DPP6: variants seen among roughly 807,000 people sequenced by gnomAD.
The protein encoded by DPP6 is dipeptidyl peptidase like 6, also known as A-type potassium channel modulatory protein DPP6.
In DPP6, 69 loss-of-function variants were observed where a neutral mutation model predicts 122.6. That is an observed-to-expected ratio of 0.56 (90% CI 0.46 to 0.69). The LOEUF is 0.69. DPP6 is among the 30% of genes least tolerant of loss of function. The pLI, the probability that DPP6 is intolerant of heterozygous loss-of-function variation, is 0.00. For missense variants in DPP6, 928 were observed against 1,116.9 expected, an observed-to-expected ratio of 0.83 and a Z score of 2.41; for synonymous variants, 418 against 433.1, an observed-to-expected ratio of 0.97 and a Z score of 0.43.
intron 3 of DPP6, among the ~76,000 whole-genome samples, chr7:154,510,346 C>T (rs959094179): frequency 1.3e-5 from 2 of 152,112 alleles, no homozygotes; most frequent in Admixed American, 6.5e-5. Context: ...ATGGAGCTAA[C>T]CTCAGAACTT....
intron 1 of DPP6, among the ~76,000 whole-genome samples, chr7:154,344,337 G>C (rs1356489886): frequency 1.3e-5 from 2 of 152,116 alleles, no homozygotes; most frequent in Non-Finnish European, 2.9e-5. Context: ...TTGCTCATCA[G>C]AGAAATGCAA....
In DPP6 at chr7:154,811,459, G is replaced by T. The variant is rs148277608; in HGVS notation, c.1666+4347G>T. Among the ~76,000 whole-genome samples, 343 of 152,328 alleles carry T rather than the reference G, an allele frequency of 2.3e-3. 2 individuals carry two copies. The highest frequency in any genetic ancestry group is 7.8e-3 in the African/African-American group (326 of 41,580). ...CCATTTGGATTGCTTGGGGCATTTT[G>T]CTGGAGGAGAAGACTCAAGGAAGGT... is the stretch of plus-strand genomic sequence containing the variant. On this transcript the variant is annotated intron_variant, in intron 16 of 25. Transcript: ENST00000377770.
intron 1 of DPP6, among the ~76,000 whole-genome samples, chr7:154,064,458 A>G (rs1244640600): frequency 2.0e-5 from 3 of 152,160 alleles, no homozygotes; most frequent in Non-Finnish European, 2.9e-5. Context: ...GCTCTCAGTG[A>G]TAGACACATT....
intron 1 of DPP6, among the ~76,000 whole-genome samples, chr7:154,102,803 A>G (rs1230460674): frequency 3.3e-5 from 5 of 152,126 alleles, no homozygotes; most frequent in Non-Finnish European, 5.9e-5. Context: ...TGCTTTAATC[A>G]TTGCTGTTCC....
intron 17 of DPP6, 140 bp downstream of exon 17, chr7:154,853,967 T>C: frequency 3.4e-6 from 4 of 1,166,386 alleles, no homozygotes; most frequent in Non-Finnish European, 4.8e-6. Context: ...GAATAGGCCA[T>C]GCTGATCACC....
At chr7:154,747,452 G>C (rs1843086226) in intron 8 of DPP6, among the ~76,000 whole-genome samples, 2 of 152,172 alleles carry the variant, frequency 1.3e-5, no homozygotes, top group Admixed American at 6.5e-5. Flanking sequence ...CCATTTACTG[G>C]TTGTATGAAC....
At chr7:154,473,197 T>C (rs1822440287) in intron 2 of DPP6, among the ~76,000 whole-genome samples, 1 of 152,228 alleles carries the variant, frequency 6.6e-6, no homozygotes, top group Non-Finnish European at 1.5e-5. Context: ...AGAGTGTAAC[T>C]TTATTAGATT....
intron 1 of DPP6, among the ~76,000 whole-genome samples, chr7:153,989,359 G>A (rs1263095839): frequency 6.6e-6 from 1 of 151,314 alleles, no homozygotes; most frequent in South Asian, 2.1e-4. Context: ...GAGTGTGGGG[G>A]AGTGAGTATG....
intron 1 of DPP6, among the ~76,000 whole-genome samples, chr7:154,348,160 C>T (rs559910239): frequency 7.9e-5 from 12 of 152,082 alleles, no homozygotes; most frequent in African/African-American, 2.9e-4. Context: ...TAACACACCT[C>T]AGGTGGTGTA....
intron 1 of DPP6, among the ~76,000 whole-genome samples, chr7:154,252,177 T>C (rs1406043900): frequency 6.6e-6 from 1 of 152,176 alleles, no homozygotes; most frequent in African/African-American, 2.4e-5. Flanking sequence ...ATTTATTTAC[T>C]TCAGCTAAAT....
the DPP6 span, among the ~76,000 whole-genome samples, chr7:153,791,424 C>CTTTCTTTT: frequency 1.1e-5 from 1 of 91,630 alleles, no homozygotes; most frequent in African/African-American, 4.2e-5. Flanking sequence ...TCCTTCCTTT[C>CTTTCTTTT]TTTTTTTTTT....
At chr7:154,332,986 G>T (rs756903661) in intron 1 of DPP6, among the ~76,000 whole-genome samples, 6 of 152,160 alleles carry the variant, frequency 3.9e-5, no homozygotes, top group Non-Finnish European at 8.8e-5. Flanking sequence ...CGATGGGTCC[G>T]GGGAACAGCT....
At chr7:154,678,685 A>T (rs1436454506) in intron 7 of DPP6, among the ~76,000 whole-genome samples, 1 of 152,260 alleles carries the variant, frequency 6.6e-6, no homozygotes, top group African/African-American at 2.4e-5. Flanking sequence ...TTTAAGCGTG[A>T]GAAGGAAAAG....
At chr7:154,840,675 C>G (rs1403377290) in intron 16 of DPP6, among the ~76,000 whole-genome samples, 1 of 152,210 alleles carries the variant, frequency 6.6e-6, no homozygotes, top group Middle Eastern at 3.2e-3. Context: ...CTTTTTACTT[C>G]TTAGTATGCT....
At chr7:154,626,149 T>G (rs1371947520) in intron 5 of DPP6, among the ~76,000 whole-genome samples, 2 of 152,166 alleles carry the variant, frequency 1.3e-5, no homozygotes, top group Non-Finnish European at 2.9e-5. Context: ...GGTTTCTTCC[T>G]TTGAATTTCC....
chr7:154,259,208 A>C (rs373987533), intron 1 of DPP6, among the ~76,000 whole-genome samples: 7 of 152,360 alleles, frequency 4.6e-5, no homozygotes, highest in East Asian at 1.9e-4. Flanking sequence ...ACCAAATCAC[A>C]CATATGCGAA....
Position 154,536,459 on chromosome 7 carries a change from G to A in DPP6, c.458-4073G>A, listed in dbSNP as rs1037781896. Among the ~76,000 whole-genome samples, 6 of 152,246 alleles carry A rather than the reference G, an allele frequency of 3.9e-5. No individual in the cohort carries two copies. In the East Asian group the frequency reaches 5.8e-4, roughly 15 times the overall value. ...ATAAATGGAAAGGCAGACCAAGTACGCAGAAGGAAGACTCAGGGTTGTAAA... is the reference window on the plus strand; with the variant it reads ...ATAAATGGAAAGGCAGACCAAGTACACAGAAGGAAGACTCAGGGTTGTAAA... On this transcript the variant is annotated intron_variant, in intron 3 of 25. Transcript: ENST00000377770.
At chr7:153,875,603 T>G in the DPP6 span, among the ~76,000 whole-genome samples, 1 of 152,098 alleles carries the variant, frequency 6.6e-6, no homozygotes, top group African/African-American at 2.4e-5. Flanking sequence ...TTAATGCAAC[T>G]ATCAACTAAT....
chr7:153,955,706 T>C (rs904518999), intron 1 of DPP6, among the ~76,000 whole-genome samples: 7 of 152,194 alleles, frequency 4.6e-5, no homozygotes, highest in African/African-American at 1.7e-4. Flanking sequence ...CCAAAAGTGC[T>C]GGGATTACAG....
Sources: gnomAD v4.1 joint callset for allele counts (sites outside exome capture counted in the v4.1 genomes callset) on GRCh38, gnomAD v4.1.1 for gene constraint, MANE v1.5 for transcripts, NCBI Gene and HGNC (gene_info 2026-07-23, HGNC 2026-07-21) for gene names.